Variants in C2orf49 observed in about 807,000 individuals in gnomAD.
C2orf49 encodes tRNA splicing ligase complex subunit 2.
In C2orf49, 11 loss-of-function variants were observed where a neutral mutation model predicts 20.6. The ratio of observed to expected loss-of-function variants is 0.53; its 90% confidence interval spans 0.34 to 0.88. The LOEUF is 0.88. C2orf49 is among the 40% of genes least tolerant of loss of function. The probability of loss-of-function intolerance (pLI) is 0.02; values close to 1 mark genes in which losing one functional copy is unlikely to be tolerated. For missense variants in C2orf49, 289 were observed against 274.2 expected (o/e 1.05, Z -0.38); for synonymous variants, 134 against 108.5 (o/e 1.24, Z -1.46).
chr2:105,342,736 A>T (rs1468276016), intron 2 of C2orf49, 112 bp from the exon 3 acceptor site: 19 of 1,058,124 alleles, frequency 1.8e-5, no homozygotes, highest in Non-Finnish European at 2.6e-5. Flanking sequence ...ATAGTCTCAG[A>T]TTAGTCTTAT....
downstream of C2orf49, among the ~76,000 whole-genome samples, chr2:105,352,429 G>GTTTTTTTTTTTTTTTTTTTTTTGGTTTT (rs61585149): frequency 1.2e-5 from 1 of 80,762 alleles, no homozygotes; most frequent in Non-Finnish European, 2.1e-5. Flanking sequence ...GTTTGTTTGG[G>GTTTTTTTTTTTTTTTTTTTTTTGGTTTT]TTTTTTTTTT....
At chr2:105,381,505 A>G in the C2orf49 span, among the ~76,000 whole-genome samples, 1 of 152,110 alleles carries the variant, frequency 6.6e-6, no homozygotes, top group Admixed American at 6.6e-5. Context: ...GCCTCGGTGC[A>G]TGCGAGGTCA....
the C2orf49 span, among the ~76,000 whole-genome samples, chr2:105,357,266 A>AG: frequency 9.2e-5 from 14 of 151,508 alleles, no homozygotes; most frequent in South Asian, 2.9e-3. Context: ...TCTGTTTTTC[A>AG]GATTGTATAA....
the C2orf49 span, among the ~76,000 whole-genome samples, chr2:105,365,874 G>A: frequency 6.6e-6 from 1 of 151,794 alleles, no homozygotes; most frequent in Admixed American, 6.6e-5. Context: ...CATAAAAGGA[G>A]AGGAAATAAA....
chr2:105,340,979 T>C (rs1301234545), intron 2 of C2orf49, among the ~76,000 whole-genome samples: 1 of 152,250 alleles, frequency 6.6e-6, no homozygotes, highest in African/African-American at 2.4e-5. Context: ...TCTCCAATTA[T>C]GAAGAATAGT....
At chr2:105,364,259 CA>C in the C2orf49 span, among the ~76,000 whole-genome samples, 2 of 73,164 alleles carry the variant, frequency 2.7e-5, no homozygotes, top group East Asian at 6.1e-4. Context: ...GTCTCAAAAA[CA>C]AAACAAAACA....
chr2:105,351,746 G>T (rs1056016195), downstream of C2orf49, among the ~76,000 whole-genome samples: 1 of 152,090 alleles, frequency 6.6e-6, no homozygotes, highest in Non-Finnish European at 1.5e-5. Context: ...TTTCTCTAAG[G>T]AGCCTTTGCT....
At chr2:105,355,196 AAAAAGAAGG>A in the C2orf49 span, among the ~76,000 whole-genome samples, 2 of 152,182 alleles carry the variant, frequency 1.3e-5, no homozygotes. Flanking sequence ...GGGAGGGAAG[AAAAAGAAGG>A]AAAAGAAGGA....
At chr2:105,367,862 T>C in the C2orf49 span, 1 of 939,100 alleles carries the variant, frequency 1.1e-6, no homozygotes, top group Non-Finnish European at 1.6e-6. Context: ...CTTCAGCTCT[T>C]GAAGGCTCGC....
chr2:105,345,305 T>C lies in C2orf49; in HGVS notation c.643-10T>C. ...GCAAGTATAAACTGATTTCTGTTCATGTCTTTCAGAATAACCTGAAGCCCC... is the reference window on the plus strand; with the variant it reads ...GCAAGTATAAACTGATTTCTGTTCACGTCTTTCAGAATAACCTGAAGCCCC... On this transcript the variant is annotated splice_polypyrimidine_tract_variant and intron_variant, in intron 3 of 3. Transcript: ENST00000258457. The C allele has an allele frequency of 5.6e-6, 9 of 1,609,020 alleles. No individual in the cohort carries two copies. Among genetic ancestry groups the C allele is most frequent in the Non-Finnish European group, 7.6e-6 (9 of 1,178,190 alleles).
At chr2:105,370,152 C>G in the C2orf49 span, among the ~76,000 whole-genome samples, 5 of 152,196 alleles carry the variant, frequency 3.3e-5, no homozygotes, top group African/African-American at 9.6e-5. Context: ...GGCGGGAGAT[C>G]TCTTGAGCCC....
At chr2:105,372,458 C>G in the C2orf49 span, among the ~76,000 whole-genome samples, 15,929 of 152,170 alleles carry the variant, frequency 0.1, 1,006 homozygotes, top group East Asian at 0.3. Context: ...AACTCCTGAC[C>G]TCGTGATCCG....
Position 105,337,678 on chromosome 2 carries a change from C to G in C2orf49, c.91C>G (p.Leu31Val). 1 of 907,268 alleles carries G rather than the reference C, an allele frequency of 1.1e-6. No individual in the cohort carries two copies. The highest frequency in any genetic ancestry group is 2.9e-5 in the African/African-American group (1 of 34,190). 56.2% of individuals were successfully genotyped at this position (907,268 alleles called of 1,614,324 possible). ...LLSQEFLLLT[L>V]EQKNIAVETD... ...GTCCCAGGAGTTCCTTCTCCTCACT[C>G]TGGAGCAGGTTGGGCGCGCCGGATC... Residue 31 changes from leucine (L) to valine (V), a missense_variant, in exon 1 of 4, where the codon CTG becomes GTG. Leu to Val is a conservative substitution (Grantham distance 32). Coordinates refer to ENST00000258457, the MANE Select transcript of C2orf49 (RefSeq NM_024093.3).
At chr2:105,363,436 C>T in the C2orf49 span, 1 of 1,611,994 alleles carries the variant, frequency 6.2e-7, no homozygotes, top group East Asian at 2.2e-5. Flanking sequence ...TGTGCCAGGG[C>T]TGCTCCCGGT....
At chr2:105,365,807 TGTACTA>T in the C2orf49 span, among the ~76,000 whole-genome samples, 1 of 151,646 alleles carries the variant, frequency 6.6e-6, no homozygotes, top group South Asian at 2.1e-4. Context: ...ATCATGCCAC[TGTACTA>T]CAGCCCAGGT....
the C2orf49 span, among the ~76,000 whole-genome samples, chr2:105,377,406 G>A: frequency 5.3e-5 from 8 of 152,240 alleles, no homozygotes; most frequent in South Asian, 4.2e-4. Flanking sequence ...CGAGGCAGGC[G>A]GATCACCTGA....
Position 105,345,482 on chromosome 2 carries a change from GT to G in C2orf49, c.*114del. The stretch of plus-strand genomic sequence containing the variant: ...GATTATTGTGGAATTTTCTTAAGAG[GT>G]TTCAAATAGGTTTAAAAAAATAAAG... On this transcript the variant is annotated 3_prime_UTR_variant, in exon 4 of 4. Transcript: ENST00000258457. The G allele has an allele frequency of 1.2e-6, 1 of 837,094 alleles. No individual in the cohort carries two copies. Among genetic ancestry groups the G allele is most frequent in the South Asian group, 1.7e-5 (1 of 58,888 alleles). 51.9% of individuals were successfully genotyped at this position (837,094 alleles called of 1,614,324 possible). A position where few individuals can be genotyped will look rare whatever the true frequency, so the allele number is the denominator to read the frequency against.
At chr2:105,341,274 T>C (rs1443756368) in intron 2 of C2orf49, among the ~76,000 whole-genome samples, 1 of 152,238 alleles carries the variant, frequency 6.6e-6, no homozygotes, top group African/African-American at 2.4e-5. Flanking sequence ...TTTGAAGCAA[T>C]CTTTGTACAA....
chr2:105,361,330 T>G, the C2orf49 span: 1 of 1,614,130 alleles, frequency 6.2e-7, no homozygotes, highest in Non-Finnish European at 8.5e-7. Context: ...TCCCTCTCTG[T>G]GAGGAAGCCA....
Sources: gnomAD v4.1 joint callset for allele counts (sites outside exome capture counted in the v4.1 genomes callset) on GRCh38, gnomAD v4.1.1 for gene constraint, MANE v1.5 for transcripts, NCBI Gene and HGNC (gene_info 2026-07-23, HGNC 2026-07-21) for gene names.